XYLB: variants seen among roughly 807,000 people sequenced by gnomAD.
XYLB encodes xylulokinase.
XYLB carries 62 observed loss-of-function variants against 78.7 expected under a neutral mutation model. The ratio of observed to expected loss-of-function variants is 0.79; its 90% CI spans 0.64 to 0.97. The LOEUF is 0.97. Ranked by LOEUF, XYLB falls within the 50% of genes least tolerant of loss-of-function variation. The pLI, the probability that XYLB is intolerant of heterozygous loss-of-function variation, is 0.00. For synonymous variants in XYLB, 245 were observed against 247.4 expected, an observed-to-expected ratio of 0.99 and a Z score of 0.09; for missense variants, 687 against 676.8, an observed-to-expected ratio of 1.02 and a Z score of -0.17.
rs1158829050 is a variant in XYLB, at chr3:38,414,478, C to T, written c.*1465C>T. ...TTTTAAAGACATTTTACATTATTGT[C>T]CAGCAGAAAAAGGCTGTCTTGGACC... is the stretch of plus-strand genomic sequence containing the variant. On this transcript the variant is annotated 3_prime_UTR_variant, in exon 19 of 19. Transcript: ENST00000207870. The T allele has an allele frequency of 6.6e-6, 1 of 152,054 alleles. No individual in the cohort carries two copies. The highest frequency in any genetic ancestry group is 1.5e-5 in the Non-Finnish European group (1 of 68,004). 9.4% of individuals were successfully genotyped at this position (152,054 alleles called of 1,614,324 possible).
At chr3:38,359,267 C>T (rs1276424944) in intron 2 of XYLB, among the ~76,000 whole-genome samples, 8 of 152,368 alleles carry the variant, frequency 5.3e-5, no homozygotes, top group African/African-American at 1.9e-4. Context: ...TCGCTTATGC[C>T]ATTGTTTGTG....
In XYLB at chr3:38,414,504, A is replaced by G. The variant is rs1487906638; in HGVS notation, c.*1491A>G. 6.6e-6 allele frequency: 1 copy of G among 152,240 alleles called. No individual in the cohort carries two copies. Among genetic ancestry groups the G allele is most frequent in the Non-Finnish European group, 1.5e-5 (1 of 68,050 alleles). 9.4% of individuals were successfully genotyped at this position (152,240 alleles called of 1,614,324 possible). On this transcript the variant is annotated 3_prime_UTR_variant, in exon 19 of 19. Transcript: ENST00000207870. ...CAGCAGAAAAAGGCTGTCTTGGACC[A>G]TGAAACAGTAAACTGTAACTAAACA...
At chr3:38,442,720 A>ATTT in the XYLB span, among the ~76,000 whole-genome samples, 1,140 of 99,076 alleles carry the variant, frequency 0.012, 63 homozygotes, top group African/African-American at 0.04. Context: ...GGACTGCTGC[A>ATTT]TTTTTTTTTT....
At chr3:38,381,452 G>A (rs183596196) in intron 15 of XYLB, among the ~76,000 whole-genome samples, 17 of 152,296 alleles carry the variant, frequency 1.1e-4, no homozygotes, top group African/African-American at 4.1e-4. Context: ...AAAAGAACAG[G>A]ATAACAGCAA....
chr3:38,435,660 C>A, the XYLB span, among the ~76,000 whole-genome samples: 5 of 152,276 alleles, frequency 3.3e-5, no homozygotes, highest in African/African-American at 1.2e-4. Flanking sequence ...CATCAGCATA[C>A]AACACATTCT....
chr3:38,435,474 A>G, the XYLB span, among the ~76,000 whole-genome samples: 9 of 152,222 alleles, frequency 5.9e-5, no homozygotes, highest in African/African-American at 2.2e-4. Context: ...ATAGAGAGAT[A>G]GCCTGCAATA....
At chr3:38,416,113 T>C (rs1708783972), downstream of XYLB, among the ~76,000 whole-genome samples, 2 of 152,112 alleles carry the variant, frequency 1.3e-5, no homozygotes, top group African/African-American at 4.8e-5. Flanking sequence ...AGATGAGATT[T>C]GGGTGGGGAC....
chr3:38,355,821 C>T (rs1705614771), intron 2 of XYLB: 2 of 702,868 alleles, frequency 2.8e-6, no homozygotes, highest in Non-Finnish European at 5.2e-6. Flanking sequence ...AGCAGAACTC[C>T]CCACTCCCCA....
intron 17 of XYLB, among the ~76,000 whole-genome samples, chr3:38,398,550 C>T (rs1214778257): frequency 6.6e-6 from 1 of 152,002 alleles, no homozygotes; most frequent in Non-Finnish European, 1.5e-5. Context: ...ATGCCATATC[C>T]TATATCAAGA....
downstream of XYLB, among the ~76,000 whole-genome samples, chr3:38,415,149 C>A (rs538975017): frequency 6.6e-6 from 1 of 152,172 alleles, no homozygotes; most frequent in African/African-American, 2.4e-5. Flanking sequence ...AAAGGAAAGA[C>A]CTGGTTGGCC....
chr3:38,440,581 C>T, the XYLB span, among the ~76,000 whole-genome samples: 13 of 152,288 alleles, frequency 8.5e-5, no homozygotes, highest in East Asian at 2.3e-3. Flanking sequence ...AGCTTTAGAT[C>T]TCCTGTCAGG....
chr3:38,364,892 A>G (rs946753288), intron 4 of XYLB, among the ~76,000 whole-genome samples: 2 of 152,236 alleles, frequency 1.3e-5, no homozygotes, highest in African/African-American at 4.8e-5. Flanking sequence ...GAATAAATAA[A>G]TGAATTTCAG....
chr3:38,364,031 A>G (rs570187477), intron 4 of XYLB, among the ~76,000 whole-genome samples: 11 of 152,228 alleles, frequency 7.2e-5, no homozygotes, highest in African/African-American at 2.4e-4. Flanking sequence ...CCCGAATCCC[A>G]GGCCTGGACA....
chr3:38,407,719 G>T (rs1256237064), intron 18 of XYLB, among the ~76,000 whole-genome samples: 1 of 151,992 alleles, frequency 6.6e-6, no homozygotes, highest in Admixed American at 6.6e-5. Flanking sequence ...ACAAAAAAAG[G>T]CAGGGGTTGC....
Position 38,368,252 on chromosome 3 carries a change from G to C in XYLB, c.641G>C (p.Ser214Thr). The C allele has an allele frequency of 6.2e-7, 1 of 1,614,156 alleles. No individual in the cohort carries two copies. Among genetic ancestry groups the C allele is most frequent in the Non-Finnish European group, 8.5e-7 (1 of 1,179,998 alleles). Residue 214 changes from serine (S) to threonine (T), a missense_variant, in exon 8 of 19, where the codon AGT becomes ACT. By Grantham distance (58) the Ser-to-Thr change is moderately conservative. Transcript: ENST00000207870. Reference sequence around the variant, plus strand: ...GGCTCTTACTCCCCTATTGACTACAGTGATGGTGAGCCTCGGGGTATGGGG... The same window carrying C: ...GGCTCTTACTCCCCTATTGACTACACTGATGGTGAGCCTCGGGGTATGGGG... ...FLGSYSPIDY[S>T]DGSGMNLLQI...
At chr3:38,394,458 A>C (rs564949228) in intron 15 of XYLB, among the ~76,000 whole-genome samples, 3 of 152,174 alleles carry the variant, frequency 2.0e-5, no homozygotes, top group African/African-American at 7.2e-5. Context: ...TAGATGGACT[A>C]TTGTCTGCAA....
At position 38,370,080 on chromosome 3, in the gene XYLB, T is replaced by C; in HGVS notation, c.671T>C (p.Ile224Thr). The stretch of plus-strand genomic sequence containing the variant: ...GGTTCTGGAATGAATTTGTTGCAGA[T>C]ACAGGATAAAGTCTGGTCCCAGGCT... Reference protein sequence around the residue: ...SDGSGMNLLQIQDKVWSQACL... With the variant: ...SDGSGMNLLQTQDKVWSQACL... The change falls in exon 9 of 19, where the codon ATA becomes ACA. Residue 224 changes from isoleucine (I) to threonine (T), a missense_variant. Coordinates refer to ENST00000207870, the MANE Select transcript of XYLB (RefSeq NM_005108.4). 6.2e-7 allele frequency: 1 copy of C among 1,614,194 alleles called. No homozygotes were observed. The highest frequency in any genetic ancestry group is 8.5e-7 in the Non-Finnish European group (1 of 1,180,036).
At chr3:38,404,541 G>A (rs1225544119) in intron 18 of XYLB, among the ~76,000 whole-genome samples, 2 of 152,210 alleles carry the variant, frequency 1.3e-5, no homozygotes, top group Admixed American at 6.5e-5. Flanking sequence ...TTCCAGCTGG[G>A]CGTGGTGACT....
intron 18 of XYLB, among the ~76,000 whole-genome samples, chr3:38,410,067 C>T (rs1708508239): frequency 6.6e-6 from 1 of 152,166 alleles, no homozygotes; most frequent in African/African-American, 2.4e-5. Flanking sequence ...AAAGAGCCCG[C>T]ATCGCCAAGT....
Sources: allele counts gnomAD v4.1 joint callset (sites outside exome capture counted in the v4.1 genomes callset), GRCh38; gene constraint gnomAD v4.1.1; transcripts MANE v1.5; gene names NCBI Gene and HGNC (gene_info 2026-07-23, HGNC 2026-07-21).